The following SPAG16 variants were observed in gnomAD, a reference collection of about 807,000 sequenced individuals.
The protein encoded by SPAG16 is sperm associated antigen 16, also known as sperm-associated antigen 16 protein.
SPAG16 carries 86 observed loss-of-function variants against 80.4 expected under a neutral mutation model. The observed-to-expected ratio is 1.07, with a 90% CI of 0.90 to 1.28. SPAG16 has a LOEUF of 1.28. Among genes scored for constraint, SPAG16 ranks in the 50% most tolerant of loss-of-function variants. The pLI is 0.00. For missense variants in SPAG16, 870 were observed against 765.3 expected, an observed-to-expected ratio of 1.14 and a Z score of -1.61; for synonymous variants, 294 against 265.9, an observed-to-expected ratio of 1.11 and a Z score of -1.03.
intron 10 of SPAG16, among the ~76,000 whole-genome samples, chr2:213,752,824 C>G (rs999743349): frequency 1.3e-5 from 2 of 152,152 alleles, no homozygotes; most frequent in African/African-American, 4.8e-5. Context: ...AATTTGTTGA[C>G]TATTCAGTTA....
At chr2:214,173,387 T>C (rs1312776056) in intron 15 of SPAG16, among the ~76,000 whole-genome samples, 1 of 152,098 alleles carries the variant, frequency 6.6e-6, no homozygotes. Flanking sequence ...TTGTCAGGTT[T>C]GTCAAAGATC....
intron 13 of SPAG16, among the ~76,000 whole-genome samples, chr2:214,072,355 G>T (rs2050827792): frequency 6.6e-6 from 1 of 152,032 alleles, no homozygotes; most frequent in African/African-American, 2.4e-5. Flanking sequence ...ATGTTGTATT[G>T]TTTCAAAGTT....
intron 10 of SPAG16, among the ~76,000 whole-genome samples, chr2:213,759,305 C>T (rs963527274): frequency 1.3e-5 from 2 of 151,452 alleles, no homozygotes; most frequent in Non-Finnish European, 1.5e-5. Context: ...CTGCACTTTT[C>T]GTGTTCTACA....
chr2:214,004,893 A>T (rs919117985), intron 12 of SPAG16, among the ~76,000 whole-genome samples: 2 of 152,180 alleles, frequency 1.3e-5, no homozygotes, highest in Non-Finnish European at 2.9e-5. Flanking sequence ...GATTACAAAT[A>T]TATTTTATTA....
intron 10 of SPAG16, among the ~76,000 whole-genome samples, chr2:213,779,873 A>G (rs2069836430): frequency 6.6e-6 from 1 of 152,216 alleles, no homozygotes; most frequent in Non-Finnish European, 1.5e-5. Context: ...TTGATAAGCC[A>G]CCAGTGGTGT....
intron 10 of SPAG16, among the ~76,000 whole-genome samples, chr2:213,770,296 A>G (rs895717599): frequency 5.9e-5 from 9 of 152,058 alleles, no homozygotes; most frequent in African/African-American, 2.2e-4. Context: ...ATAAATACCT[A>G]GAAGTGGAAT....
intron 10 of SPAG16, among the ~76,000 whole-genome samples, chr2:213,741,728 G>A (rs898779297): frequency 1.3e-5 from 2 of 152,052 alleles, no homozygotes; most frequent in African/African-American, 4.8e-5. Flanking sequence ...TTTTATATAT[G>A]TGCCAAATAG....
At chr2:213,646,719 TATA>T (rs1350332007) in intron 10 of SPAG16, among the ~76,000 whole-genome samples, 2 of 152,242 alleles carry the variant, frequency 1.3e-5, no homozygotes, top group Non-Finnish European at 2.9e-5. Context: ...TATTATTGTG[TATA>T]ATTTTGTATA....
chr2:213,884,253 C>T (rs980180857), intron 11 of SPAG16, among the ~76,000 whole-genome samples: 6 of 152,092 alleles, frequency 3.9e-5, no homozygotes, highest in African/African-American at 1.4e-4. Context: ...TTTATTTCTC[C>T]TTCCCTTATG....
rs533377067 is a variant in SPAG16 at position 213,651,302 on chromosome 2, A to T, written c.1070+161212A>T. Among the ~76,000 whole-genome samples the T allele has an allele frequency of 4.6e-5, 7 of 152,302 alleles. 1 individual carries two copies. The highest frequency in any genetic ancestry group is 1.7e-4 in the African/African-American group (7 of 41,564). The stretch of plus-strand genomic sequence containing the variant: ...GCAGGATCAGTCAGGAAGGAAAAAG[A>T]AGGATGTAAAGTGGGAGAGAGGAAA... On this transcript the variant is annotated intron_variant, in intron 10 of 15. Coordinates refer to ENST00000331683, the MANE Select transcript of SPAG16 (RefSeq NM_024532.5).
At chr2:213,551,413 T>G (rs2125945250) in intron 10 of SPAG16, among the ~76,000 whole-genome samples, 1 of 152,332 alleles carries the variant, frequency 6.6e-6, no homozygotes, top group Non-Finnish European at 1.5e-5. Flanking sequence ...TTGAGTGCTA[T>G]TTGCATTTAT....
chr2:213,545,302 T>C (rs1035891812), intron 10 of SPAG16, among the ~76,000 whole-genome samples: 12 of 152,172 alleles, frequency 7.9e-5, no homozygotes, highest in African/African-American at 2.4e-4. Context: ...CATTTTAAAA[T>C]CAAGTTGTTT....
At position 214,250,461 on chromosome 2, in the gene SPAG16, C is replaced by T. The variant is rs932262896; in HGVS notation, c.1720+101195C>T. Among the ~76,000 whole-genome samples the T allele has an allele frequency of 2.7e-5, 4 of 150,828 alleles. No homozygotes were observed. In the Admixed American group the frequency reaches 2.7e-4, roughly 10 times the overall value. On this transcript the variant is annotated intron_variant, in intron 15 of 15. Coordinates refer to ENST00000331683, the MANE Select transcript of SPAG16 (RefSeq NM_024532.5). ...ATTCACAAATTCTCTAATAATTATT[C>T]AGTTTCTCAAACCTAATCATATTGA...
chr2:213,403,752 A>C (rs1402089849), intron 9 of SPAG16, among the ~76,000 whole-genome samples: 1 of 152,202 alleles, frequency 6.6e-6, no homozygotes, highest in Non-Finnish European at 1.5e-5. Flanking sequence ...AATTAGGAAA[A>C]GAGGAAGTCA....
intron 10 of SPAG16, among the ~76,000 whole-genome samples, chr2:213,510,986 GATA>G (rs1383095718): frequency 1.3e-5 from 2 of 151,976 alleles, no homozygotes; most frequent in South Asian, 2.1e-4. Context: ...TCTCAGTTAT[GATA>G]ATAATAGCAT....
Position 213,717,663 on chromosome 2 carries a change from A to G in SPAG16, c.1071-144822A>G, listed in dbSNP as rs960397265. ...AGAAGTATTCTAAATACATTACTTC[A>G]ATACTGTTCACTATGTTAGACATCT... is the stretch of plus-strand genomic sequence containing the variant. On this transcript the variant is annotated intron_variant, in intron 10 of 15. Transcript: ENST00000331683. Among the ~76,000 whole-genome samples, 3 of 152,198 alleles carry G rather than the reference A, an allele frequency of 2.0e-5. No individual in the cohort carries two copies. In the East Asian group the frequency reaches 5.8e-4, roughly 29 times the overall value.
chr2:214,388,552 T>C (rs1700888376), intron 15 of SPAG16, among the ~76,000 whole-genome samples: 1 of 152,204 alleles, frequency 6.6e-6, no homozygotes, highest in African/African-American at 2.4e-5. Context: ...TAAAATCACC[T>C]TCATCAAGAC....
intron 9 of SPAG16, among the ~76,000 whole-genome samples, chr2:213,442,783 TA>T (rs1399258488): frequency 6.6e-6 from 1 of 152,114 alleles, no homozygotes; most frequent in Non-Finnish European, 1.5e-5. Flanking sequence ...ATCACAGACT[TA>T]AATGAAATTA....
At chr2:213,560,073 G>A (rs1477534257) in intron 10 of SPAG16, among the ~76,000 whole-genome samples, 1 of 151,832 alleles carries the variant, frequency 6.6e-6, no homozygotes, top group East Asian at 1.9e-4. Context: ...TATAAATATT[G>A]AATGCATTCA....
Sources: gnomAD v4.1 joint callset for allele counts (sites outside exome capture counted in the v4.1 genomes callset) on GRCh38, gnomAD v4.1.1 for gene constraint, MANE v1.5 for transcripts, NCBI Gene and HGNC (gene_info 2026-07-23, HGNC 2026-07-21) for gene names.